ZC2HC1B: variants seen among roughly 807,000 people sequenced by gnomAD.
ZC2HC1B encodes zinc finger C2HC-type containing 1B.
ZC2HC1B carries 36 observed loss-of-function variants against 31.0 expected under a neutral mutation model. The ratio of observed to expected loss-of-function variants is 1.16; its 90% CI spans 0.89 to 1.54. ZC2HC1B has a LOEUF of 1.54. ZC2HC1B is among the 40% of genes most tolerant of loss of function. The pLI, the probability that ZC2HC1B is intolerant of heterozygous loss-of-function variation, is 0.00. For synonymous variants in ZC2HC1B, 73 were observed against 88.0 expected, an observed-to-expected ratio of 0.83 and a Z score of 0.95; for missense variants, 260 against 268.6, an observed-to-expected ratio of 0.97 and a Z score of 0.22.
intron 4 of ZC2HC1B, among the ~76,000 whole-genome samples, chr6:143,893,978 G>A (rs181712734): frequency 7.8e-4 from 118 of 152,166 alleles, no homozygotes; most frequent in African/African-American, 2.5e-3. Flanking sequence ...GAGCCACCGC[G>A]CCCGGCCTGC....
chr6:143,919,215 C>CTG (rs1225349104), intron 6 of ZC2HC1B, among the ~76,000 whole-genome samples: 13 of 124,162 alleles, frequency 1.0e-4, no homozygotes, highest in South Asian at 5.1e-4. Context: ...GTTTGCTATT[C>CTG]TCTGTGTGTG....
chr6:143,913,783 G>A lies in ZC2HC1B; in HGVS notation c.598+10631G>A, dbSNP rs1316015273. Among the ~76,000 whole-genome samples the A allele has an allele frequency of 6.6e-6, 1 of 152,200 alleles. No individual in the cohort carries two copies. Among genetic ancestry groups the A allele is most frequent in the African/African-American group, 2.4e-5 (1 of 41,456 alleles). ...GTCACTAATTGCTTCCCTTGGCTGG[G>A]GGTGGGTGTTTCCTTGGCTCCATGT... is the stretch of plus-strand genomic sequence containing the variant. On this transcript the variant is annotated intron_variant, in intron 6 of 7. Coordinates refer to ENST00000237275, the MANE Select transcript of ZC2HC1B (RefSeq NM_001013623.3). The surrounding 1 kb of genome is among the most constrained non-coding windows in gnomAD (Gnocchi z 5.7).
In ZC2HC1B at chr6:143,908,850, G is replaced by A. The variant is rs927186213; in HGVS notation, c.598+5698G>A. Among the ~76,000 whole-genome samples the A allele has an allele frequency of 2.6e-5, 4 of 152,142 alleles. No homozygotes were observed. Among genetic ancestry groups the A allele is most frequent in the African/African-American group, 9.7e-5 (4 of 41,430 alleles). On this transcript the variant is annotated intron_variant, in intron 6 of 7. Transcript: ENST00000237275. This position sits in a 1 kb window ranked among gnomAD's most constrained non-coding sequence, Gnocchi z 4.4. ...TGGTGAGAGAGGGCCTCTTTGTCTT[G>A]TGCCAGTTTTCAAGGGGAAATCTTC...
In ZC2HC1B at chr6:143,883,562, A is replaced by G. The variant is rs927287744; in HGVS notation, c.29-742A>G. Among the ~76,000 whole-genome samples the G allele has an allele frequency of 3.9e-5, 6 of 152,234 alleles. No individual in the cohort carries two copies. Among genetic ancestry groups the G allele is most frequent in the Admixed American group, 6.5e-5 (1 of 15,286 alleles). On this transcript the variant is annotated intron_variant, in intron 1 of 7. Coordinates refer to ENST00000237275, the MANE Select transcript of ZC2HC1B (RefSeq NM_001013623.3). This position sits in a 1 kb window ranked among gnomAD's most constrained non-coding sequence, Gnocchi z 4.1. Reference sequence around the variant, plus strand: ...GCTTTTTTTATTAACCTAAGACATCATAGCTTTGATAGAAGTGCTTTTTAA... The same window carrying G: ...GCTTTTTTTATTAACCTAAGACATCGTAGCTTTGATAGAAGTGCTTTTTAA...
intron 6 of ZC2HC1B, 98 bp from the exon 7 acceptor site, chr6:143,937,551 G>T: frequency 1.2e-5 from 11 of 921,606 alleles, no homozygotes; most frequent in East Asian, 3.7e-5. Flanking sequence ...AGGAAGAATA[G>T]AAACTTTTGA....
chr6:143,875,631 A>G (rs1777396811), intron 1 of ZC2HC1B, among the ~76,000 whole-genome samples: 1 of 150,652 alleles, frequency 6.6e-6, no homozygotes, highest in Non-Finnish European at 1.5e-5. Context: ...ATAAGTTAGA[A>G]AACAATTCTT....
At chr6:143,875,084 C>G (rs1001629118) in intron 1 of ZC2HC1B, among the ~76,000 whole-genome samples, 4 of 152,160 alleles carry the variant, frequency 2.6e-5, no homozygotes, top group African/African-American at 9.7e-5. Context: ...CTGCCCACCT[C>G]AGCTTTCCAG....
chr6:143,867,999 T>C (rs773374311), intron 1 of ZC2HC1B, among the ~76,000 whole-genome samples: 26 of 152,224 alleles, frequency 1.7e-4, no homozygotes, highest in Admixed American at 1.4e-3. Context: ...TCTACTCTTA[T>C]GTTGGATTGA....
At chr6:143,874,265 T>A (rs1306579563) in intron 1 of ZC2HC1B, among the ~76,000 whole-genome samples, 1 of 152,316 alleles carries the variant, frequency 6.6e-6, no homozygotes, top group Non-Finnish European at 1.5e-5. Context: ...TGGACCTTAT[T>A]GTTCATATCA....
chr6:143,869,587 G>A lies in ZC2HC1B; in HGVS notation c.28+5020G>A, dbSNP rs1651935236. On this transcript the variant is annotated intron_variant, in intron 1 of 7. Coordinates refer to ENST00000237275, the MANE Select transcript of ZC2HC1B (RefSeq NM_001013623.3). The surrounding 1 kb of genome is among the most constrained non-coding windows in gnomAD (Gnocchi z 5.2). ...GTAGTCTTGGCAGAAGCATTGCATG[G>A]AGGATAGGCAAACCCATATCCAGAG... is the stretch of plus-strand genomic sequence containing the variant. Among the ~76,000 whole-genome samples, 1 of 152,240 alleles carries A rather than the reference G, an allele frequency of 6.6e-6. No individual in the cohort carries two copies. Among genetic ancestry groups the A allele is most frequent in the Admixed American group, 6.5e-5 (1 of 15,290 alleles).
At chr6:143,874,924 C>T (rs939964924) in intron 1 of ZC2HC1B, among the ~76,000 whole-genome samples, 6 of 152,150 alleles carry the variant, frequency 3.9e-5, no homozygotes, top group Non-Finnish European at 8.8e-5. Flanking sequence ...CCACCACCTC[C>T]CAGGTTCAAA....
At chr6:143,930,276 T>G (rs1778102663) in intron 6 of ZC2HC1B, among the ~76,000 whole-genome samples, 1 of 152,122 alleles carries the variant, frequency 6.6e-6, no homozygotes, top group South Asian at 2.1e-4. Flanking sequence ...TGTCTCTGTT[T>G]CCTTTTGTTT....
At position 143,869,567 on chromosome 6, in the gene ZC2HC1B, C is replaced by T. The variant is rs533030080; in HGVS notation, c.28+5000C>T. Among the ~76,000 whole-genome samples, 62 of 152,314 alleles carry T rather than the reference C, an allele frequency of 4.1e-4. No homozygotes were observed. Among genetic ancestry groups the T allele is most frequent in the African/African-American group, 1.4e-3 (60 of 41,582 alleles). On this transcript the variant is annotated intron_variant, in intron 1 of 7. Coordinates refer to ENST00000237275, the MANE Select transcript of ZC2HC1B (RefSeq NM_001013623.3). This position sits in a 1 kb window ranked among gnomAD's most constrained non-coding sequence, Gnocchi z 5.2. ...ATGCTATGAGTCCATGGATGGTAGT[C>T]TTGGCAGAAGCATTGCATGGAGGAT... is the stretch of plus-strand genomic sequence containing the variant.
At chr6:143,879,545 G>T (rs778990348) in intron 1 of ZC2HC1B, among the ~76,000 whole-genome samples, 4 of 152,100 alleles carry the variant, frequency 2.6e-5, no homozygotes, top group Non-Finnish European at 5.9e-5. Flanking sequence ...CTAAATATTT[G>T]CATGTTCTGG....
rs892060315 is a variant in ZC2HC1B, at chr6:143,923,262, G to T, written c.599-14387G>T. ...TCATGGGATTATTAGTTTTTTTGCT[G>T]TTAAGTTGTTTGAATTCCTCAGGTA... On this transcript the variant is annotated intron_variant, in intron 6 of 7. Coordinates refer to ENST00000237275, the MANE Select transcript of ZC2HC1B (RefSeq NM_001013623.3). This position sits in a 1 kb window ranked among gnomAD's most constrained non-coding sequence, Gnocchi z 4.8. Among the ~76,000 whole-genome samples, 1 of 151,622 alleles carries T rather than the reference G, an allele frequency of 6.6e-6. No individual in the cohort carries two copies. Among genetic ancestry groups the T allele is most frequent in the Non-Finnish European group, 1.5e-5 (1 of 67,866 alleles).
intron 6 of ZC2HC1B, among the ~76,000 whole-genome samples, chr6:143,925,848 A>G (rs1245709143): frequency 6.6e-6 from 1 of 151,996 alleles, no homozygotes; most frequent in Non-Finnish European, 1.5e-5. Flanking sequence ...ATTTATTCTT[A>G]GTAGATTGTA....
intron 4 of ZC2HC1B, among the ~76,000 whole-genome samples, chr6:143,897,505 T>C (rs529408585): frequency 7.1e-4 from 108 of 151,928 alleles, no homozygotes; most frequent in African/African-American, 2.5e-3. Flanking sequence ...AAAAAAAAGA[T>C]ATTATACAGA....
intron 6 of ZC2HC1B, among the ~76,000 whole-genome samples, chr6:143,928,833 T>TTG (rs1554241652): frequency 3.1e-4 from 47 of 151,668 alleles, no homozygotes; most frequent in East Asian, 1.9e-3. Flanking sequence ...GGTTTTTTTT[T>TTG]TTGTTCTTTT....
In ZC2HC1B at chr6:143,887,011, C is replaced by T. The variant is rs563199352; in HGVS notation, c.349+190C>T. ...GTGTTTCCTTCTAACTCTGTCTCAA[C>T]GTGGGAACACCACTGTAGCTGTGCT... On this transcript the variant is annotated intron_variant, in intron 4 of 7. Coordinates refer to ENST00000237275, the MANE Select transcript of ZC2HC1B (RefSeq NM_001013623.3). This position sits in a 1 kb window ranked among gnomAD's most constrained non-coding sequence, Gnocchi z 5.1. 5.3e-5 allele frequency among the ~76,000 whole-genome samples: 8 copies of T among 152,270 alleles called. No individual in the cohort carries two copies. In the East Asian group the frequency reaches 7.7e-4, roughly 15 times the overall value.
Sources: allele counts gnomAD v4.1 joint callset (sites outside exome capture counted in the v4.1 genomes callset), GRCh38; gene constraint gnomAD v4.1.1; non-coding constraint Gnocchi (gnomAD v3.1); transcripts MANE v1.5; gene names NCBI Gene and HGNC (gene_info 2026-07-23, HGNC 2026-07-21).